Variants in PTPRU observed in about 807,000 individuals in gnomAD.
PTPRU encodes receptor-type tyrosine-protein phosphatase U.
Under a neutral mutation model 166.3 loss-of-function variants are expected in PTPRU, and 69 were observed. That is an observed-to-expected ratio of 0.41 (90% confidence interval 0.34 to 0.51). PTPRU has a LOEUF of 0.51. PTPRU is among the 20% of genes least tolerant of loss of function. The pLI is 0.09. For missense variants in PTPRU, 1,657 were observed against 2,013.7 expected, an observed-to-expected ratio of 0.82 and a Z score of 3.39; for synonymous variants, 793 against 814.0, an observed-to-expected ratio of 0.97 and a Z score of 0.44.
intron 14 of PTPRU, among the ~76,000 whole-genome samples, chr1:29,290,143 G>A (rs1686559036): frequency 6.6e-6 from 1 of 152,156 alleles, no homozygotes; most frequent in Non-Finnish European, 1.5e-5. Context: ...TGTGGGTGGG[G>A]CCTACCTGTT....
Position 29,237,251 on chromosome 1 carries a change from C to T in PTPRU, c.73+534C>T, listed in dbSNP as rs776035623. 6.6e-5 allele frequency among the ~76,000 whole-genome samples: 10 copies of T among 151,068 alleles called. No homozygotes were observed. The highest frequency in any genetic ancestry group is 1.7e-4 in the African/African-American group (7 of 41,014). On this transcript the variant is annotated intron_variant, in intron 1 of 29. Coordinates refer to ENST00000373779, the MANE Select transcript of PTPRU (RefSeq NM_133178.4). The surrounding 1 kb of genome is among the most constrained non-coding windows in gnomAD (Gnocchi z 6.4). ...GTGTGGCGTGTGTGCTTTTGAGATC[C>T]GTGTACATGTGTGAAGGCGTGGGAA...
chr1:29,279,809 A>G lies in PTPRU; in HGVS notation c.1765+152A>G. 1 of 1,075,120 alleles carries G rather than the reference A, an allele frequency of 9.3e-7. No homozygotes were observed. Among genetic ancestry groups the G allele is most frequent in the Non-Finnish European group, 1.3e-6 (1 of 742,268 alleles). 66.6% of individuals were successfully genotyped at this position (1,075,120 alleles called of 1,614,324 possible). ...CCATTTAGGAGTTAAAGTCAGGCTC[A>G]GGGAGGATGAAGTCAGAGGAGTCAG... is the stretch of plus-strand genomic sequence containing the variant. On this transcript the variant is annotated intron_variant, in intron 10 of 29. Coordinates refer to ENST00000373779, the MANE Select transcript of PTPRU (RefSeq NM_133178.4). The surrounding 1 kb of genome is among the most constrained non-coding windows in gnomAD (Gnocchi z 5.2).
intron 18 of PTPRU, among the ~76,000 whole-genome samples, chr1:29,307,405 G>T (rs376825690): frequency 6.6e-6 from 1 of 152,242 alleles, no homozygotes; most frequent in African/African-American, 2.4e-5. Flanking sequence ...AGTGTTGGGG[G>T]TGCTTCCCCT....
At chr1:29,265,887 C>T (rs557244851) in intron 7 of PTPRU, among the ~76,000 whole-genome samples, 14 of 151,912 alleles carry the variant, frequency 9.2e-5, no homozygotes, top group South Asian at 4.1e-4. Flanking sequence ...TATGGACTTT[C>T]ACAGAACTAT....
chr1:29,306,927 A>C (rs767405174), intron 18 of PTPRU, among the ~76,000 whole-genome samples: 2 of 152,144 alleles, frequency 1.3e-5, no homozygotes, highest in African/African-American at 2.4e-5. Context: ...CCAAGGTCCC[A>C]GTTGGCTCCT....
At chr1:29,309,444 C>CA (rs748018798) in intron 18 of PTPRU, among the ~76,000 whole-genome samples, 61 of 152,230 alleles carry the variant, frequency 4.0e-4, no homozygotes, top group Non-Finnish European at 6.8e-4. Flanking sequence ...TCAGATTCTT[C>CA]ACCCCATAGT....
chr1:29,284,028 C>T, intron 13 of PTPRU, 52 bp downstream of exon 13: 2 of 1,604,692 alleles, frequency 1.2e-6, no homozygotes, highest in Non-Finnish European at 1.7e-6. Flanking sequence ...CTCACCTGCC[C>T]AGCGCTGGGG....
rs1182517046 is a variant in PTPRU at position 29,315,060 on chromosome 1, C to T, written c.3228-312C>T. On this transcript the variant is annotated intron_variant, in intron 22 of 29. Coordinates refer to ENST00000373779, the MANE Select transcript of PTPRU (RefSeq NM_133178.4). The surrounding 1 kb of genome is among the most constrained non-coding windows in gnomAD (Gnocchi z 4.5). ...AGGAAAGAACATTCTTGAATTAGCT[C>T]GGAGGATCATCATTCCTGTTCTCTC... Among the ~76,000 whole-genome samples the T allele has an allele frequency of 6.6e-6, 1 of 152,236 alleles. No individual in the cohort carries two copies. Among genetic ancestry groups the T allele is most frequent in the African/African-American group, 2.4e-5 (1 of 41,544 alleles).
At chr1:29,295,198 G>A (rs1165203290) in intron 15 of PTPRU, among the ~76,000 whole-genome samples, 1 of 151,890 alleles carries the variant, frequency 6.6e-6, no homozygotes, top group Non-Finnish European at 1.5e-5. Flanking sequence ...ACCATGCCTG[G>A]CTAATCTTTG....
chr1:29,260,010 G>T lies in PTPRU; in HGVS notation c.816G>T (p.Ala272=). The T allele has an allele frequency of 1.3e-6, 2 of 1,485,668 alleles. No individual in the cohort carries two copies. Among genetic ancestry groups the T allele is most frequent in the Non-Finnish European group, 8.9e-7 (1 of 1,125,602 alleles). 92.0% of individuals were successfully genotyped at this position (1,485,668 alleles called of 1,614,324 possible). A position where few individuals can be genotyped will look rare whatever the true frequency, so the allele number is the denominator to read the frequency against. The change falls in exon 6 of 30, where the codon GCG becomes GCT. Residue 272 remains alanine, a synonymous_variant. Transcript: ENST00000373779. The surrounding 1 kb of genome is among the most constrained non-coding windows in gnomAD (Gnocchi z 8.3). ...YRCVSQAPRG[A]GVSNFAELIV... ...GTGTGTCCCAGGCCCCGCGCGGCGC[G>T]GGCGTCTCTAACTTCGCGGAGCTCA...
chr1:29,269,838 A>G (rs967316463), intron 7 of PTPRU, among the ~76,000 whole-genome samples: 5 of 151,914 alleles, frequency 3.3e-5, no homozygotes, highest in African/African-American at 1.2e-4. Context: ...AGACATTTTT[A>G]CACCCTTGCA....
Position 29,257,205 on chromosome 1 carries a change from G to T in PTPRU, c.206-1300G>T, listed in dbSNP as rs1042331795. ...GGGAGAAAGATGCACACAGCTGCTC[G>T]CAGGGAGAGGAGAGAGAAGTAGCAT... On this transcript the variant is annotated intron_variant, in intron 2 of 29. Coordinates refer to ENST00000373779, the MANE Select transcript of PTPRU (RefSeq NM_133178.4). The surrounding 1 kb of genome is among the most constrained non-coding windows in gnomAD (Gnocchi z 4.6). Among the ~76,000 whole-genome samples, 4 of 127,046 alleles carry T rather than the reference G, an allele frequency of 3.1e-5. No homozygotes were observed. The highest frequency in any genetic ancestry group is 7.8e-5 in the African/African-American group (3 of 38,368). The allele number at this position is 127,046 out of a possible 152,430, so 83.3% of individuals were successfully genotyped here.
At chr1:29,323,607 C>T (rs1363734470) in intron 27 of PTPRU, 24 bp from the exon 28 acceptor site, 15 of 1,613,420 alleles carry the variant, frequency 9.3e-6, no homozygotes, top group East Asian at 2.2e-5. Flanking sequence ...CATGTCCTCC[C>T]TGGCTGGCTG....
At chr1:29,310,644 G>A in intron 18 of PTPRU, 100 bp from the exon 19 acceptor site, 1 of 1,262,728 alleles carries the variant, frequency 7.9e-7, no homozygotes, top group South Asian at 1.2e-5. Flanking sequence ...GTTCCCTGGT[G>A]GGGTAGGGGT....
chr1:29,277,142 C>T (rs1685839653), intron 8 of PTPRU, among the ~76,000 whole-genome samples: 1 of 151,884 alleles, frequency 6.6e-6, no homozygotes, highest in Non-Finnish European at 1.5e-5. Context: ...ACTCTGTCAC[C>T]CAGGCTGGAG....
Position 29,260,084 on chromosome 1 carries a change from T to A in PTPRU, c.850+40T>A. The A allele has an allele frequency of 8.9e-7, 1 of 1,129,414 alleles. No individual in the cohort carries two copies. Among genetic ancestry groups the A allele is most frequent in the Non-Finnish European group, 1.1e-6 (1 of 911,414 alleles). 70.0% of individuals were successfully genotyped at this position (1,129,414 alleles called of 1,614,324 possible). A position where few individuals can be genotyped will look rare whatever the true frequency, so the allele number is the denominator to read the frequency against. On this transcript the variant is annotated intron_variant, in intron 6 of 29. Transcript: ENST00000373779. The surrounding 1 kb of genome is among the most constrained non-coding windows in gnomAD (Gnocchi z 8.3). ...GCCGGGGAGCGCCGGGACCTCACCC[T>A]CGAGGGGCGGGGCCGGCGACGGGGG...
Position 29,272,920 on chromosome 1 carries a change from A to AAG in PTPRU, c.1145-2527_1145-2526insGA, listed in dbSNP as rs747852283. ...AGACCTTGTCTCAAAAAAAAAAAAA[A>AAG]AAAAAAAGAAAAAAAAATGCTCCTA... On this transcript the variant is annotated intron_variant, in intron 7 of 29. Coordinates refer to ENST00000373779, the MANE Select transcript of PTPRU (RefSeq NM_133178.4). Among the ~76,000 whole-genome samples, 717 of 146,984 alleles carry AAG rather than the reference A, an allele frequency of 4.9e-3. 2 individuals are homozygous for AAG. The highest frequency in any genetic ancestry group is 6.6e-3 in the Non-Finnish European group (448 of 67,842).
In PTPRU at chr1:29,301,869, T is replaced by A. The variant is rs2151962251; in HGVS notation, c.2477-1986T>A. Among the ~76,000 whole-genome samples, 2 of 152,362 alleles carry A rather than the reference T, an allele frequency of 1.3e-5. 1 individual carries two copies. Among genetic ancestry groups the A allele is most frequent in the Middle Eastern group, 6.8e-3 (2 of 294 alleles). On this transcript the variant is annotated intron_variant, in intron 15 of 29. Coordinates refer to ENST00000373779, the MANE Select transcript of PTPRU (RefSeq NM_133178.4). ...TGTCCTTGCAACAGTTTGCTCAGAATGATAGTTTCCAGCTTCATCCATGTC... is the reference window on the plus strand; with the variant it reads ...TGTCCTTGCAACAGTTTGCTCAGAAAGATAGTTTCCAGCTTCATCCATGTC...
intron 12 of PTPRU, among the ~76,000 whole-genome samples, chr1:29,283,172 C>A (rs112432563): frequency 1.3e-5 from 2 of 150,274 alleles, no homozygotes; most frequent in Admixed American, 1.3e-4. Flanking sequence ...GTTCCTCCCC[C>A]ATAACCTTGC....
Sources: allele counts gnomAD v4.1 joint callset (sites outside exome capture counted in the v4.1 genomes callset), GRCh38; gene constraint gnomAD v4.1.1; non-coding constraint Gnocchi (gnomAD v3.1); transcripts MANE v1.5; gene names NCBI Gene and HGNC (gene_info 2026-07-23, HGNC 2026-07-21).